Variants in RPS6KC1 observed in about 807,000 individuals in gnomAD.
RPS6KC1 encodes the protein ribosomal protein S6 kinase C1.
A neutral mutation model predicts 103.8 loss-of-function variants in RPS6KC1; 54 were observed. That is an observed-to-expected ratio of 0.52 (90% CI 0.42 to 0.65). The LOEUF (loss-of-function observed/expected upper bound fraction) is 0.65. RPS6KC1 is among the 30% of genes least tolerant of loss of function. The probability of loss-of-function intolerance (pLI) is 0.00; values close to 1 mark genes in which losing one functional copy is unlikely to be tolerated. For missense variants in RPS6KC1, 1,151 were observed against 1,253.8 expected, an observed-to-expected ratio of 0.92 and a Z score of 1.24; for synonymous variants, 439 against 438.7, an observed-to-expected ratio of 1.00 and a Z score of -0.01.
chr1:213,765,691 C>T, the RPS6KC1 span, among the ~76,000 whole-genome samples: 5 of 152,098 alleles, frequency 3.3e-5, no homozygotes, highest in Non-Finnish European at 4.4e-5. Context: ...CTTACCCACT[C>T]TACCCTCGCC....
At chr1:213,537,847 G>T in the RPS6KC1 span, among the ~76,000 whole-genome samples, 1 of 152,196 alleles carries the variant, frequency 6.6e-6, no homozygotes, top group African/African-American at 2.4e-5. Flanking sequence ...ACCTGCAAAT[G>T]AGGTTCCAGG....
chr1:213,684,213 T>C, the RPS6KC1 span, among the ~76,000 whole-genome samples: 1 of 152,188 alleles, frequency 6.6e-6, no homozygotes, highest in Non-Finnish European at 1.5e-5. Flanking sequence ...CAAAAGGCCT[T>C]TCTGTCTATG....
At chr1:213,214,859 C>T (rs2093617188) in intron 8 of RPS6KC1, among the ~76,000 whole-genome samples, 2 of 152,112 alleles carry the variant, frequency 1.3e-5, no homozygotes, top group Non-Finnish European at 2.9e-5. Context: ...AGGACGTCGA[C>T]ACCAAAACCC....
the RPS6KC1 span, among the ~76,000 whole-genome samples, chr1:213,756,961 T>C: frequency 6.6e-6 from 1 of 152,102 alleles, no homozygotes; most frequent in Non-Finnish European, 1.5e-5. Flanking sequence ...CAATCAGTGA[T>C]CTTTGATATT....
intron 6 of RPS6KC1, among the ~76,000 whole-genome samples, chr1:213,150,787 G>A (rs919063010): frequency 6.6e-6 from 1 of 152,152 alleles, no homozygotes; most frequent in Non-Finnish European, 1.5e-5. Context: ...ATTCCACAAA[G>A]CCGCCATTGT....
the RPS6KC1 span, among the ~76,000 whole-genome samples, chr1:213,686,829 A>G: frequency 1.3e-5 from 2 of 152,170 alleles, no homozygotes; most frequent in African/African-American, 4.8e-5. Flanking sequence ...GGCTATTTTT[A>G]TGGTTATTTC....
the RPS6KC1 span, among the ~76,000 whole-genome samples, chr1:213,292,387 A>G: frequency 3.9e-5 from 6 of 152,240 alleles, no homozygotes; most frequent in African/African-American, 1.4e-4. Context: ...ATTATAAATT[A>G]GTAAATTAAT....
At chr1:213,563,390 A>G in the RPS6KC1 span, among the ~76,000 whole-genome samples, 5 of 152,192 alleles carry the variant, frequency 3.3e-5, 1 homozygote, top group Admixed American at 2.6e-4. Flanking sequence ...GATTTTTTAA[A>G]AAGCAATAAG....
chr1:213,419,521 G>C, the RPS6KC1 span, among the ~76,000 whole-genome samples: 1 of 152,140 alleles, frequency 6.6e-6, no homozygotes, highest in African/African-American at 2.4e-5. Context: ...TAAGTGACTG[G>C]CACAACTAGT....
rs187703171 is a variant in RPS6KC1 at position 213,197,834 on chromosome 1, A to C, written c.1044+21342A>C. Reference sequence around the variant, plus strand: ...TTTTCCATCCCTTTTCCTTAAATTTATGTGCGTCCGTATGTGTTAGGTGAG... The same window carrying C: ...TTTTCCATCCCTTTTCCTTAAATTTCTGTGCGTCCGTATGTGTTAGGTGAG... On this transcript the variant is annotated intron_variant, in intron 8 of 14. Coordinates refer to ENST00000366960, the MANE Select transcript of RPS6KC1 (RefSeq NM_012424.6). Among the ~76,000 whole-genome samples the C allele has an allele frequency of 1.6e-3, 237 of 152,166 alleles. 1 individual carries two copies. Among genetic ancestry groups the C allele is most frequent in the Non-Finnish European group, 2.6e-3 (180 of 68,012 alleles).
the RPS6KC1 span, among the ~76,000 whole-genome samples, chr1:213,718,758 G>A: frequency 6.6e-6 from 1 of 152,208 alleles, no homozygotes; most frequent in Non-Finnish European, 1.5e-5. Context: ...GGCTTTGGGG[G>A]AGGAGGTGCT....
the RPS6KC1 span, among the ~76,000 whole-genome samples, chr1:213,594,799 G>A: frequency 6.6e-6 from 1 of 152,182 alleles, no homozygotes; most frequent in African/African-American, 2.4e-5. Flanking sequence ...CTAGTTGGGA[G>A]GGCCAGGCAG....
intron 8 of RPS6KC1, among the ~76,000 whole-genome samples, chr1:213,201,306 A>C (rs928968853): frequency 5.9e-5 from 9 of 152,230 alleles, no homozygotes; most frequent in African/African-American, 2.2e-4. Context: ...AAGCCTTAAG[A>C]CATGGAGAAA....
the RPS6KC1 span, among the ~76,000 whole-genome samples, chr1:213,585,741 ACTGT>A: frequency 6.6e-6 from 1 of 152,048 alleles, no homozygotes; most frequent in African/African-American, 2.4e-5. Flanking sequence ...ACTCCAGGAG[ACTGT>A]CTGCCATGGA....
the RPS6KC1 span, among the ~76,000 whole-genome samples, chr1:213,323,065 C>T: frequency 6.6e-6 from 1 of 151,696 alleles, no homozygotes; most frequent in East Asian, 1.9e-4. Context: ...CGCTGGGCCT[C>T]CTTCCTCTGT....
chr1:213,159,592 G>A (rs2148056576), intron 6 of RPS6KC1, among the ~76,000 whole-genome samples: 1 of 152,312 alleles, frequency 6.6e-6, no homozygotes, highest in Admixed American at 6.5e-5. Flanking sequence ...TTTTGCAGAT[G>A]TTTTTATGTA....
At chr1:213,260,738 T>C (rs1018343842) in intron 12 of RPS6KC1, among the ~76,000 whole-genome samples, 6 of 126,592 alleles carry the variant, frequency 4.7e-5, no homozygotes, top group African/African-American at 1.9e-4. Flanking sequence ...CACAAGATAA[T>C]GTAAGGGCTA....
At chr1:213,192,284 T>G (rs2092776696) in intron 8 of RPS6KC1, among the ~76,000 whole-genome samples, 1 of 152,184 alleles carries the variant, frequency 6.6e-6, no homozygotes, top group African/African-American at 2.4e-5. Flanking sequence ...TGAATTTGCT[T>G]TGGTAGTATT....
At chr1:213,801,364 G>A in the RPS6KC1 span, among the ~76,000 whole-genome samples, 1 of 151,990 alleles carries the variant, frequency 6.6e-6, no homozygotes, top group African/African-American at 2.4e-5. Flanking sequence ...CTGTAATTCT[G>A]TTTCCTTTTC....
Sources: gnomAD v4.1 joint callset for allele counts (sites outside exome capture counted in the v4.1 genomes callset) on GRCh38, gnomAD v4.1.1 for gene constraint, MANE v1.5 for transcripts, NCBI Gene and HGNC (gene_info 2026-07-23, HGNC 2026-07-21) for gene names.